SHC4: variants seen among roughly 807,000 people sequenced by gnomAD.
SHC4 encodes SHC adaptor protein 4, also known as SHC-transforming protein 4.
Under a neutral mutation model 69.4 loss-of-function variants are expected in SHC4, and 41 were observed. The ratio of observed to expected loss-of-function variants is 0.59; its 90% confidence interval spans 0.46 to 0.77. The LOEUF is 0.77. Among genes scored for constraint, SHC4 ranks in the 30% least tolerant of loss-of-function variants. The pLI is 0.00. For synonymous variants in SHC4, 318 were observed against 299.3 expected (o/e 1.06, Z -0.64); for missense variants, 777 against 783.8 (o/e 0.99, Z 0.10).
chr15:48,840,395 G>C (rs2140971305), intron 10 of SHC4, among the ~76,000 whole-genome samples: 1 of 152,276 alleles, frequency 6.6e-6, no homozygotes, highest in Non-Finnish European at 1.5e-5. Flanking sequence ...AGTGTGACAA[G>C]ATGAACTGAG....
At chr15:48,925,277 C>T (rs565849255) in intron 1 of SHC4, among the ~76,000 whole-genome samples, 1 of 152,172 alleles carries the variant, frequency 6.6e-6, no homozygotes, top group Non-Finnish European at 1.5e-5. Flanking sequence ...AGTTATGGAA[C>T]CTGAACCTCA....
At chr15:48,830,621 C>A (rs1898779208) in intron 11 of SHC4, among the ~76,000 whole-genome samples, 1 of 152,108 alleles carries the variant, frequency 6.6e-6, no homozygotes, top group South Asian at 2.1e-4. Flanking sequence ...AAGAACCCCC[C>A]AAAAAATTAA....
At chr15:48,901,401 A>G (rs1030963397) in intron 2 of SHC4, among the ~76,000 whole-genome samples, 5 of 152,182 alleles carry the variant, frequency 3.3e-5, no homozygotes, top group Non-Finnish European at 4.4e-5. Context: ...GTTGGGTATT[A>G]TAAGAAAGGG....
intron 1 of SHC4, among the ~76,000 whole-genome samples, chr15:48,955,752 G>A (rs957115531): frequency 6.6e-6 from 1 of 152,206 alleles, no homozygotes; most frequent in Non-Finnish European, 1.5e-5. Context: ...AGCACACGCA[G>A]CATTTTAATC....
chr15:48,866,255 C>T (rs765312568), intron 6 of SHC4, among the ~76,000 whole-genome samples: 3 of 152,136 alleles, frequency 2.0e-5, no homozygotes, highest in Non-Finnish European at 2.9e-5. Context: ...ATTCCCACTG[C>T]CCCATTCACT....
rs561894569 is a variant in SHC4, at chr15:48,824,336, T to A, written c.*1635A>T. ...TTTTATTTAAAACTTAGCAAATATA[T>A]CACAATCACAAAGACTAAGTTGTAT... On this transcript the variant is annotated 3_prime_UTR_variant, in exon 12 of 12. Transcript: ENST00000332408. The A allele has an allele frequency of 6.6e-6, 1 of 151,496 alleles. No homozygotes were observed. Among genetic ancestry groups the A allele is most frequent in the South Asian group, 2.1e-4 (1 of 4,784 alleles). 9.4% of individuals were successfully genotyped at this position (151,496 alleles called of 1,614,324 possible). A position where few individuals can be genotyped will look rare whatever the true frequency, so the allele number is the denominator to read the frequency against.
Position 48,834,902 on chromosome 15 carries a change from G to T in SHC4, c.1604C>A (p.Ala535Glu), listed in dbSNP as rs759735444. Residue 535 changes from alanine to glutamate, a missense_variant, in exon 11 of 12, where the codon GCG becomes GAG. By Grantham distance (107) the Ala-to-Glu change is moderately radical. Transcript: ENST00000332408. ...ATCCTTTACCAAGAGGCTCTCTGCCGCCTTCCTGCTCAGCTTGCCATGATA... is the reference window on the plus strand; with the variant it reads ...ATCCTTTACCAAGAGGCTCTCTGCCTCCTTCCTGCTCAGCTTGCCATGATA... ...ECYHGKLSRK[A>E]AESLLVKDGD... 1 of 1,614,068 alleles carries T rather than the reference G, an allele frequency of 6.2e-7. No homozygotes were observed. Among genetic ancestry groups the T allele is most frequent in the Non-Finnish European group, 8.5e-7 (1 of 1,179,998 alleles).
chr15:48,925,493 C>A (rs1331459482), intron 1 of SHC4, among the ~76,000 whole-genome samples: 1 of 152,186 alleles, frequency 6.6e-6, no homozygotes, highest in Non-Finnish European at 1.5e-5. Context: ...GTGGATAGAA[C>A]AAGCATATAA....
chr15:48,846,592 T>A (rs1269429398), intron 9 of SHC4, among the ~76,000 whole-genome samples: 1 of 152,192 alleles, frequency 6.6e-6, no homozygotes, highest in Non-Finnish European at 1.5e-5. Context: ...CACTTCATGA[T>A]ATACTGCAAG....
At position 48,926,701 on chromosome 15, in the gene SHC4, G is replaced by A. The variant is rs186970365; in HGVS notation, c.586-1752C>T. 1.2e-3 allele frequency among the ~76,000 whole-genome samples: 182 copies of A among 152,206 alleles called. 1 individual carries two copies. Among genetic ancestry groups the A allele is most frequent in the African/African-American group, 4.3e-3 (178 of 41,530 alleles). The stretch of plus-strand genomic sequence containing the variant: ...TGGTCTTAAACTCCTGACCTTAAGC[G>A]ATCTGCCCACTTTGGCCTCCCAAAG... On this transcript the variant is annotated intron_variant, in intron 1 of 11. Coordinates refer to ENST00000332408, the MANE Select transcript of SHC4 (RefSeq NM_203349.4).
At chr15:48,910,860 G>A (rs1452919207) in intron 2 of SHC4, among the ~76,000 whole-genome samples, 1 of 152,154 alleles carries the variant, frequency 6.6e-6, no homozygotes, top group African/African-American at 2.4e-5. Context: ...TAATTTCCAT[G>A]TATTTGCAGG....
intron 5 of SHC4, among the ~76,000 whole-genome samples, chr15:48,868,511 AC>A (rs1482113963): frequency 6.6e-6 from 1 of 152,264 alleles, no homozygotes; most frequent in African/African-American, 2.4e-5. Flanking sequence ...GTAAAAACAA[AC>A]CAACAAAACG....
At chr15:48,866,792 T>C (rs1232856223) in intron 6 of SHC4, among the ~76,000 whole-genome samples, 2 of 152,202 alleles carry the variant, frequency 1.3e-5, no homozygotes, top group Non-Finnish European at 2.9e-5. Flanking sequence ...TAATAAATGT[T>C]TGGGGGCAAA....
intron 2 of SHC4, among the ~76,000 whole-genome samples, chr15:48,895,477 G>A (rs7162426): frequency 0.16 from 23,891 of 152,014 alleles, 2,251 homozygotes; most frequent in East Asian, 0.34. Context: ...TAATACCCGC[G>A]TGGCTGGTAA....
At chr15:48,839,042 A>T (rs1394585712) in intron 10 of SHC4, among the ~76,000 whole-genome samples, 1 of 152,148 alleles carries the variant, frequency 6.6e-6, no homozygotes, top group East Asian at 1.9e-4. Flanking sequence ...AAAAAACAAC[A>T]GAGAAAATTA....
chr15:48,866,210 CT>C (rs1899556434), intron 6 of SHC4, among the ~76,000 whole-genome samples: 1 of 152,216 alleles, frequency 6.6e-6, no homozygotes, highest in East Asian at 1.9e-4. Flanking sequence ...AGAAGTTGCC[CT>C]TTTCTGGTAT....
At position 48,851,184 on chromosome 15, in the gene SHC4, C is replaced by T; in HGVS notation, c.1303+4G>A. The T allele has an allele frequency of 6.2e-7, 1 of 1,613,586 alleles. No individual in the cohort carries two copies. The highest frequency in any genetic ancestry group is 8.5e-7 in the Non-Finnish European group (1 of 1,179,618). On this transcript the variant is annotated splice_donor_region_variant and intron_variant, in intron 9 of 11. Coordinates refer to ENST00000332408, the MANE Select transcript of SHC4 (RefSeq NM_203349.4). ...TGGCAGATGGAGAAGGGCATTGTAC[C>T]TACCTATTGCCCTGCTTTGTTCTAA...
At chr15:48,916,305 A>T (rs1900620320) in intron 2 of SHC4, among the ~76,000 whole-genome samples, 1 of 146,142 alleles carries the variant, frequency 6.8e-6, no homozygotes, top group African/African-American at 2.5e-5. Flanking sequence ...ACACACACAC[A>T]CACACACACA....
chr15:48,889,806 T>G (rs1233558003), intron 3 of SHC4, among the ~76,000 whole-genome samples: 1 of 152,134 alleles, frequency 6.6e-6, no homozygotes, highest in African/African-American at 2.4e-5. Context: ...ATCGCACCAT[T>G]GCACTCCAAC....
Sources: gnomAD v4.1 joint callset for allele counts (sites outside exome capture counted in the v4.1 genomes callset) on GRCh38, gnomAD v4.1.1 for gene constraint, MANE v1.5 for transcripts, NCBI Gene and HGNC (gene_info 2026-07-23, HGNC 2026-07-21) for gene names.